The following SDAD1 variants were observed in gnomAD, a reference collection of about 807,000 sequenced individuals.
SDAD1 encodes SDA1 domain containing 1, also known as protein SDA1 homolog.
A neutral mutation model predicts 100.3 loss-of-function variants in SDAD1; 79 were observed. The observed-to-expected ratio is 0.79, with a 90% confidence interval of 0.66 to 0.95. The LOEUF (loss-of-function observed/expected upper bound fraction) is 0.95. SDAD1 is among the 40% of genes least tolerant of loss of function. The probability of loss-of-function intolerance (pLI) is 0.00; values close to 1 mark genes in which losing one functional copy is unlikely to be tolerated. For synonymous variants in SDAD1, 267 were observed against 271.4 expected (o/e 0.98, Z 0.16); for missense variants, 790 against 810.9 (o/e 0.97, Z 0.31).
chr4:75,958,802 A>G (rs1729051626), intron 17 of SDAD1, among the ~76,000 whole-genome samples: 1 of 151,694 alleles, frequency 6.6e-6, no homozygotes. Flanking sequence ...GCCCTTTAAA[A>G]AAAAAAAAAA....
chr4:75,973,923 G>A (rs1730007837), intron 7 of SDAD1, among the ~76,000 whole-genome samples, 153 bp downstream of exon 7: 1 of 151,642 alleles, frequency 6.6e-6, no homozygotes, highest in African/African-American at 2.4e-5. Flanking sequence ...TGCCTGGTGT[G>A]CAGGCATGCA....
chr4:75,962,222 A>T (rs560828121), intron 14 of SDAD1, among the ~76,000 whole-genome samples: 34 of 152,364 alleles, frequency 2.2e-4, no homozygotes, highest in Non-Finnish European at 4.8e-4. Context: ...TGCAAAGGAC[A>T]TGAACTCATC....
intron 21 of SDAD1, among the ~76,000 whole-genome samples, chr4:75,951,825 T>C (rs1463804267): frequency 6.6e-6 from 1 of 152,268 alleles, no homozygotes; most frequent in Non-Finnish European, 1.5e-5. Context: ...AAGTTTGTGA[T>C]GGATACTATT....
In SDAD1 at chr4:75,969,979, A is replaced by G. The variant is rs543803464; in HGVS notation, c.883+330T>C. On this transcript the variant is annotated intron_variant, in intron 10 of 21. Transcript: ENST00000356260. ...AAGGTTTCCCAGATTTTTGGTTTCC[A>G]CAGACTAGGTTTTTTTTTTTTTTTT... Among the ~76,000 whole-genome samples, 164 of 149,048 alleles carry G rather than the reference A, an allele frequency of 1.1e-3. 4 individuals are homozygous for G. The South Asian group carries it at 0.034, about 31-fold the overall frequency.
chr4:75,967,251 A>C, intron 12 of SDAD1, 26 bp downstream of exon 12: 1 of 1,611,074 alleles, frequency 6.2e-7, no homozygotes, highest in Non-Finnish European at 8.5e-7. Context: ...AAGGCCACCA[A>C]AGAAACATGG....
chr4:75,964,870 G>C (rs1355792691), intron 13 of SDAD1, among the ~76,000 whole-genome samples: 1 of 152,160 alleles, frequency 6.6e-6, no homozygotes, highest in Non-Finnish European at 1.5e-5. Flanking sequence ...TCCTATGCCT[G>C]TCTTTAATCT....
rs372934896 is a variant in SDAD1 at position 75,973,173 on chromosome 4, G to A, written c.711+144C>T. 22 of 602,744 alleles carry A rather than the reference G, an allele frequency of 3.6e-5. No individual in the cohort carries two copies. In the South Asian group the frequency reaches 5.0e-4, roughly 14 times the overall value. The allele number at this position is 602,744 out of a possible 1,614,324, so 37.3% of individuals were successfully genotyped here. On this transcript the variant is annotated intron_variant, in intron 8 of 21. Coordinates refer to ENST00000356260, the MANE Select transcript of SDAD1 (RefSeq NM_018115.4). ...GAATACAAGTGACAAATTCCAAGTAGAGTAAAATAGCATGGCAGAATTCAA... is the reference window on the plus strand; with the variant it reads ...GAATACAAGTGACAAATTCCAAGTAAAGTAAAATAGCATGGCAGAATTCAA...
Position 75,961,203 on chromosome 4 carries a change from C to A in SDAD1, c.1279+8G>T, listed in dbSNP as rs377507179. 1.9e-6 allele frequency: 3 copies of A among 1,612,654 alleles called. No individual in the cohort carries two copies. Among genetic ancestry groups the A allele is most frequent in the Non-Finnish European group, 8.5e-7 (1 of 1,178,750 alleles). ...TCTTTGGTGTGTAGAGAGTAACATGCAGCTTACTCTTATCCTTGTGTGTTT... is the reference window on the plus strand; with the variant it reads ...TCTTTGGTGTGTAGAGAGTAACATGAAGCTTACTCTTATCCTTGTGTGTTT... On this transcript the variant is annotated splice_region_variant and intron_variant, in intron 15 of 21. Coordinates refer to ENST00000356260, the MANE Select transcript of SDAD1 (RefSeq NM_018115.4).
In SDAD1 at chr4:75,972,649, A is replaced by ATT. The variant is rs33999037; in HGVS notation, c.711+666_711+667dup. Among the ~76,000 whole-genome samples the ATT allele has an allele frequency of 5.8e-3, 834 of 143,760 alleles. 4 individuals are homozygous for ATT. Among genetic ancestry groups the ATT allele is most frequent in the African/African-American group, 8.0e-3 (313 of 39,314 alleles). 94.3% of individuals were successfully genotyped at this position (143,760 alleles called of 152,430 possible). ...CAAAACACTAAAATGGGGAAGGATAATTTTTTTTTTTTTTTAGAAATTCTT... is the reference window on the plus strand; with the variant it reads ...CAAAACACTAAAATGGGGAAGGATAATTTTTTTTTTTTTTTTTAGAAATTCTT... On this transcript the variant is annotated intron_variant, in intron 8 of 21. Transcript: ENST00000356260.
At chr4:75,976,114 C>A in intron 4 of SDAD1, 119 bp from the exon 5 acceptor site, 1 of 640,172 alleles carries the variant, frequency 1.6e-6, no homozygotes, top group South Asian at 2.5e-5. Context: ...TTCATTCTAT[C>A]CCAAAAGAAA....
In SDAD1 at chr4:75,960,283, T is replaced by C. The variant is rs1729156673; in HGVS notation, c.1357-91A>G. ...TCTCTGAAATTATGAATTTATTTTATTTATTTATTTGAAGACAGGGTCTTG... is the reference window on the plus strand; with the variant it reads ...TCTCTGAAATTATGAATTTATTTTACTTATTTATTTGAAGACAGGGTCTTG... On this transcript the variant is annotated intron_variant, in intron 16 of 21. Transcript: ENST00000356260. 15 of 1,191,906 alleles carry C rather than the reference T, an allele frequency of 1.3e-5. No homozygotes were observed. In the South Asian group the frequency reaches 1.5e-4, roughly 12 times the overall value. 73.8% of individuals were successfully genotyped at this position (1,191,906 alleles called of 1,614,324 possible). A position where few individuals can be genotyped will look rare whatever the true frequency, so the allele number is the denominator to read the frequency against.
chr4:75,968,096 T>C (rs1729648165), intron 11 of SDAD1, among the ~76,000 whole-genome samples: 1 of 152,202 alleles, frequency 6.6e-6, no homozygotes, highest in Non-Finnish European at 1.5e-5. Context: ...ATGATGGATG[T>C]TCAATTGTAG....
chr4:75,975,803 A>T lies in SDAD1; in HGVS notation c.519T>A (p.Asn173Lys). The T allele has an allele frequency of 6.2e-7, 1 of 1,614,040 alleles. No individual in the cohort carries two copies. The highest frequency in any genetic ancestry group is 8.5e-7 in the Non-Finnish European group (1 of 1,179,938). The stretch of plus-strand genomic sequence containing the variant: ...CTAAAGACATCTTGGCTGCGGTTGC[A>T]TTGCTATCTCTTAACATGGTGTACA... ...NFMYTMLRDS[N>K]ATAAKMSLDV... The change falls in exon 6 of 22, where the codon AAT (asparagine) becomes AAA (lysine). Residue 173 changes from asparagine to lysine, a missense_variant. Coordinates refer to ENST00000356260, the MANE Select transcript of SDAD1 (RefSeq NM_018115.4).
At chr4:75,971,664 A>G (rs1729874500) in intron 8 of SDAD1, among the ~76,000 whole-genome samples, 2 of 152,130 alleles carry the variant, frequency 1.3e-5, no homozygotes, top group African/African-American at 4.8e-5. Context: ...TGAGGCCAGG[A>G]GCTTGAGACC....
At chr4:75,965,275 T>A (rs1195566429) in intron 13 of SDAD1, among the ~76,000 whole-genome samples, 2 of 152,134 alleles carry the variant, frequency 1.3e-5, no homozygotes, top group Non-Finnish European at 2.9e-5. Flanking sequence ...GATGAGGAAA[T>A]TCCCGCCTAA....
At chr4:75,970,519 G>C in intron 9 of SDAD1, 141 bp from the exon 10 acceptor site, 1 of 575,968 alleles carries the variant, frequency 1.7e-6, no homozygotes, top group Non-Finnish European at 2.9e-6. Context: ...TTTTCAACTA[G>C]AAGAATTAAA....
intron 13 of SDAD1, 75 bp from the exon 14 acceptor site, chr4:75,964,286 A>G (rs1348130845): frequency 2.0e-6 from 2 of 1,001,158 alleles, no homozygotes; most frequent in East Asian, 5.1e-5. Flanking sequence ...TGAAAGGACA[A>G]TAGATTATTC....
chr4:75,978,733 T>C (rs1360835409), intron 3 of SDAD1, among the ~76,000 whole-genome samples: 1 of 151,426 alleles, frequency 6.6e-6, no homozygotes, highest in African/African-American at 2.4e-5. Flanking sequence ...CTCAGCACTT[T>C]GGGAGGCTGA....
chr4:75,968,858 C>T (rs552879389), intron 11 of SDAD1, among the ~76,000 whole-genome samples: 4 of 151,650 alleles, frequency 2.6e-5, no homozygotes, highest in African/African-American at 7.3e-5. Context: ...GGTGAAACCC[C>T]GTCTCTACTA....
Sources: gnomAD v4.1 joint callset for allele counts (sites outside exome capture counted in the v4.1 genomes callset) on GRCh38, gnomAD v4.1.1 for gene constraint, MANE v1.5 for transcripts, NCBI Gene and HGNC (gene_info 2026-07-23, HGNC 2026-07-21) for gene names.